The following WDR48 variants were observed in gnomAD, a reference collection of about 807,000 sequenced individuals.
WDR48 encodes WD repeat domain 48.
A neutral mutation model predicts 94.0 loss-of-function variants in WDR48; 22 were observed. The ratio of observed to expected loss-of-function variants is 0.23; its 90% confidence interval spans 0.17 to 0.33. The LOEUF is 0.33. WDR48 is among the 10% of genes least tolerant of loss of function. The pLI, the probability that WDR48 is intolerant of heterozygous loss-of-function variation, is 1.00. For missense variants in WDR48, 541 were observed against 813.8 expected, an observed-to-expected ratio of 0.66 and a Z score of 4.08; for synonymous variants, 278 against 280.5, an observed-to-expected ratio of 0.99 and a Z score of 0.09.
intron 1 of WDR48, among the ~76,000 whole-genome samples, chr3:39,055,315 C>T (rs1266588633): frequency 6.6e-6 from 1 of 152,072 alleles, no homozygotes; most frequent in Non-Finnish European, 1.5e-5. Context: ...GGCGAAATCC[C>T]GTCTCTACTA....
intron 8 of WDR48, 42 bp from the exon 9 acceptor site, chr3:39,077,096 AG>A: frequency 1.2e-6 from 2 of 1,607,364 alleles, no homozygotes; most frequent in South Asian, 2.2e-5. Flanking sequence ...AGTTCAGAAG[AG>A]TTGACATTCC....
intron 7 of WDR48, among the ~76,000 whole-genome samples, chr3:39,072,933 C>T (rs543311485): frequency 3.3e-5 from 5 of 152,184 alleles, no homozygotes; most frequent in Admixed American, 6.5e-5. Flanking sequence ...GATTACTTGG[C>T]GTTCTATATC....
chr3:39,062,708 A>C lies in WDR48; in HGVS notation c.49-342A>C, dbSNP rs113298971. On this transcript the variant is annotated intron_variant, in intron 1 of 18. Transcript: ENST00000302313. ...GGAATTTACATCCAATCATGAGTCTAGTAGTCAGCAACTGGAGGTTTTTGA... is the reference window on the plus strand; with the variant it reads ...GGAATTTACATCCAATCATGAGTCTCGTAGTCAGCAACTGGAGGTTTTTGA... 4.1e-3 allele frequency among the ~76,000 whole-genome samples: 627 copies of C among 152,330 alleles called. 9 individuals are homozygous for C. The highest frequency in any genetic ancestry group is 0.014 in the African/African-American group (595 of 41,572).
At chr3:39,088,332 T>G (rs1434600085) in intron 15 of WDR48, 99 bp downstream of exon 15, 1 of 1,202,706 alleles carries the variant, frequency 8.3e-7, no homozygotes, top group Non-Finnish European at 1.2e-6. Flanking sequence ...AAATAGTTTA[T>G]TATTAAATTC....
chr3:39,088,140 A>G lies in WDR48; in HGVS notation c.1487A>G (p.Gln496Arg). ...CATCTTTTCCTAGTAAATGGGGAGC[A>G]GGAGAACCGAGTGCAGAAGGGAAAT... is the stretch of plus-strand genomic sequence containing the variant. ...ENEVNHVNGE[Q>R]ENRVQKGNGY... The change falls in exon 15 of 19, where the codon CAG becomes CGG. Residue 496 changes from glutamine (Q) to arginine (R), a missense_variant. By Grantham distance (43) the Gln-to-Arg change is conservative (BLOSUM62 1). Coordinates refer to ENST00000302313, the MANE Select transcript of WDR48 (RefSeq NM_020839.4). The G allele has an allele frequency of 1.2e-6, 2 of 1,614,186 alleles. No individual in the cohort carries two copies. The highest frequency in any genetic ancestry group is 1.7e-6 in the Non-Finnish European group (2 of 1,180,030).
intron 16 of WDR48, chr3:39,090,566 A>G (rs2035028824): frequency 6.6e-6 from 1 of 152,144 alleles, no homozygotes. Flanking sequence ...TCTCTAATCT[A>G]TTAGAATTTA....
chr3:39,057,276 A>C (rs904474665), intron 1 of WDR48, among the ~76,000 whole-genome samples: 4 of 152,214 alleles, frequency 2.6e-5, no homozygotes, highest in African/African-American at 9.6e-5. Context: ...TAAATCGATA[A>C]TGTCTAAAAT....
At chr3:39,068,412 T>C (rs2033737298) in intron 5 of WDR48, among the ~76,000 whole-genome samples, 1 of 152,210 alleles carries the variant, frequency 6.6e-6, no homozygotes, top group Non-Finnish European at 1.5e-5. Context: ...ACCTTGTTTT[T>C]TGTCTTGGTG....
intron 1 of WDR48, among the ~76,000 whole-genome samples, chr3:39,059,421 G>A (rs1209107533): frequency 6.6e-6 from 1 of 152,188 alleles, no homozygotes; most frequent in African/African-American, 2.4e-5. Context: ...AGTGGGGGAT[G>A]CAGGGTCAGA....
Position 39,092,876 on chromosome 3 carries a change from T to TACACACACACACACACAC in WDR48, c.1746-984_1746-967dup, listed in dbSNP as rs3033301. Among the ~76,000 whole-genome samples, 194 of 146,064 alleles carry TACACACACACACACACAC rather than the reference T, an allele frequency of 1.3e-3. 1 individual carries two copies. The highest frequency in any genetic ancestry group is 4.7e-3 in the African/African-American group (183 of 39,176). On this transcript the variant is annotated intron_variant, in intron 17 of 18. Transcript: ENST00000302313. ...ACCTGCCCTCCCACCCATCTCTGTC[T>TACACACACACACACACAC]ACACACACACACACACACACACACA...
At chr3:39,073,942 G>A (rs181258197) in intron 7 of WDR48, among the ~76,000 whole-genome samples, 7 of 152,348 alleles carry the variant, frequency 4.6e-5, no homozygotes, top group East Asian at 3.9e-4. Flanking sequence ...TGCTGGCCTA[G>A]TGCAGTGTTT....
chr3:39,052,097 C>T (rs367687659), intron 1 of WDR48, 24 bp downstream of exon 1: 8 of 1,612,898 alleles, frequency 5.0e-6, no homozygotes, highest in South Asian at 1.1e-5. Context: ...GTTCCTCGGT[C>T]TTCCGGACGC....
At chr3:39,084,319 C>T in intron 12 of WDR48, 57 bp downstream of exon 12, 6 of 1,274,438 alleles carry the variant, frequency 4.7e-6, no homozygotes, top group Non-Finnish European at 4.3e-6. Flanking sequence ...TTCATTATAG[C>T]TTATAATTAT....
At chr3:39,063,244 C>T in intron 2 of WDR48, 54 bp downstream of exon 2, 1 of 1,596,998 alleles carries the variant, frequency 6.3e-7, no homozygotes, top group Non-Finnish European at 8.5e-7. Context: ...ATGGCTTTTA[C>T]TGTCTAATAT....
At chr3:39,081,475 T>C (rs1420740382) in intron 11 of WDR48, among the ~76,000 whole-genome samples, 1 of 152,170 alleles carries the variant, frequency 6.6e-6, no homozygotes, top group Non-Finnish European at 1.5e-5. Flanking sequence ...AAAATCTGAT[T>C]AGTTTTTCTC....
intron 12 of WDR48, 122 bp downstream of exon 12, chr3:39,084,384 A>G: frequency 1.5e-6 from 1 of 676,398 alleles, no homozygotes; most frequent in Non-Finnish European, 2.2e-6. Context: ...TTGTGTTAAA[A>G]CTTAAAATGC....
rs1488746391 is a variant in WDR48, at chr3:39,052,050, A to G, written c.25A>G (p.Thr9Ala). ...GATGGCGGCCCATCACCGGCAGAAC[A>G]CAGCAGGGCGGAGGAAAGTGCAGGT... MAAHHRQN[T>A]AGRRKVQVSY... The change falls in exon 1 of 19, where the codon ACA becomes GCA. Residue 9 changes from threonine to alanine, a missense_variant. This residue lies in a region of WDR48 where 90 missense variants were observed against 122.3 expected (regional missense o/e 0.74). Transcript: ENST00000302313. The G allele has an allele frequency of 6.2e-7, 1 of 1,613,948 alleles. No homozygotes were observed. Among genetic ancestry groups the G allele is most frequent in the Non-Finnish European group, 8.5e-7 (1 of 1,179,982 alleles).
chr3:39,074,086 G>A (rs1182581185), intron 7 of WDR48, among the ~76,000 whole-genome samples: 3 of 152,202 alleles, frequency 2.0e-5, no homozygotes, highest in Non-Finnish European at 2.9e-5. Flanking sequence ...CCCAGGGGAC[G>A]CTGATGCTGC....
chr3:39,052,243 G>A, intron 1 of WDR48, 170 bp downstream of exon 1: 3 of 752,996 alleles, frequency 4.0e-6, no homozygotes, highest in Non-Finnish European at 6.3e-6. Context: ...CTTGAGGAAG[G>A]GGCGGGGGTC....
Sources: allele counts gnomAD v4.1 joint callset (sites outside exome capture counted in the v4.1 genomes callset), GRCh38; gene constraint gnomAD v4.1.1; regional missense constraint gnomAD v4.1.1; transcripts MANE v1.5; gene names NCBI Gene and HGNC (gene_info 2026-07-23, HGNC 2026-07-21).